Variants in SLC1A2 observed in about 807,000 individuals in gnomAD.
SLC1A2 encodes the protein solute carrier family 1 member 2, also known as excitatory amino acid transporter 2.
A neutral mutation model predicts 48.8 loss-of-function variants in SLC1A2; 15 were observed. The ratio of observed to expected loss-of-function variants is 0.31; its 90% CI spans 0.21 to 0.47. The LOEUF (loss-of-function observed/expected upper bound fraction) is 0.47, where lower values mean the gene tolerates loss of function less well. Among genes scored for constraint, SLC1A2 ranks in the 20% least tolerant of loss-of-function variants. SLC1A2 has a pLI of 0.99. For missense variants in SLC1A2, 502 were observed against 730.5 expected, an observed-to-expected ratio of 0.69 and a Z score of 3.61; for synonymous variants, 279 against 272.6, an observed-to-expected ratio of 1.02 and a Z score of -0.23.
chr11:35,348,238 A>G (rs1050959911), intron 1 of SLC1A2, among the ~76,000 whole-genome samples: 1 of 152,174 alleles, frequency 6.6e-6, no homozygotes, highest in East Asian at 1.9e-4. Flanking sequence ...TGTTTTTAAT[A>G]AGAGACATGT....
intron 1 of SLC1A2, among the ~76,000 whole-genome samples, chr11:35,352,870 A>G (rs1214324568): frequency 6.6e-6 from 1 of 152,148 alleles, no homozygotes; most frequent in African/African-American, 2.4e-5. Context: ...GAAGCAAGAG[A>G]TCCTATCAAT....
chr11:35,304,458 G>T (rs1851445015), intron 5 of SLC1A2, among the ~76,000 whole-genome samples: 1 of 152,184 alleles, frequency 6.6e-6, no homozygotes, highest in African/African-American at 2.4e-5. Context: ...GAGCTGCTCG[G>T]TGGTGGGTGC....
upstream of SLC1A2, among the ~76,000 whole-genome samples, chr11:35,420,376 T>C (rs932189812): frequency 6.6e-6 from 1 of 151,952 alleles, no homozygotes; most frequent in Admixed American, 6.6e-5. Flanking sequence ...GCTTTGATTA[T>C]CTCTGGAATA....
chr11:35,375,123 C>T (rs1186035621), intron 1 of SLC1A2, among the ~76,000 whole-genome samples: 4 of 152,074 alleles, frequency 2.6e-5, no homozygotes, highest in African/African-American at 7.2e-5. Flanking sequence ...ATTTGTGTAA[C>T]ATGGATTTTT....
At chr11:35,378,774 T>C (rs1284393919) in intron 1 of SLC1A2, among the ~76,000 whole-genome samples, 1 of 152,220 alleles carries the variant, frequency 6.6e-6, no homozygotes, top group Non-Finnish European at 1.5e-5. Context: ...AGTTAAGCTC[T>C]ATGAATAGTT....
rs1388034620 is a variant in SLC1A2, at chr11:35,286,748, C to G, written c.1286+9G>C. The G allele has an allele frequency of 1.2e-6, 2 of 1,603,528 alleles. No homozygotes were observed. Among genetic ancestry groups the G allele is most frequent in the East Asian group, 2.2e-5 (1 of 44,494 alleles). On this transcript the variant is annotated intron_variant, in intron 8 of 10. Transcript: ENST00000278379. ...GAGGTTGTTTTGTGTTTTACCCCAC[C>G]CTTCTCACCTTACAGTCACAATCTG...
At chr11:35,354,876 T>C (rs1370798073) in intron 1 of SLC1A2, among the ~76,000 whole-genome samples, 4 of 152,216 alleles carry the variant, frequency 2.6e-5, no homozygotes, top group Non-Finnish European at 5.9e-5. Context: ...AACAGAAACA[T>C]GACACATCTT....
At chr11:35,263,532 G>A (rs1287597993) in intron 10 of SLC1A2, among the ~76,000 whole-genome samples, 1 of 152,048 alleles carries the variant, frequency 6.6e-6, no homozygotes, top group Non-Finnish European at 1.5e-5. Context: ...ACAAATCCAG[G>A]AAGTCTGAAA....
At chr11:35,368,575 C>T (rs973864969) in intron 1 of SLC1A2, among the ~76,000 whole-genome samples, 7 of 152,194 alleles carry the variant, frequency 4.6e-5, no homozygotes, top group Non-Finnish European at 8.8e-5. Context: ...ATCAAGCTCA[C>T]GTAGCCTTGC....
intron 1 of SLC1A2, among the ~76,000 whole-genome samples, chr11:35,362,157 A>G (rs533130581): frequency 6.6e-6 from 1 of 152,306 alleles, no homozygotes; most frequent in East Asian, 1.9e-4. Context: ...TACCCCAGAC[A>G]GCAGATGCCC....
chr11:35,305,817 T>A (rs1322142918), intron 5 of SLC1A2, among the ~76,000 whole-genome samples: 1 of 152,188 alleles, frequency 6.6e-6, no homozygotes, highest in African/African-American at 2.4e-5. Flanking sequence ...TCAGGGAATG[T>A]GCCCAATGAC....
chr11:35,369,066 A>G (rs570111371), intron 1 of SLC1A2, among the ~76,000 whole-genome samples: 114 of 152,276 alleles, frequency 7.5e-4, no homozygotes, highest in Non-Finnish European at 1.2e-3. Flanking sequence ...TTATAGAAAA[A>G]CACAAGTCTG....
At chr11:35,336,257 C>A (rs1199968978) in intron 1 of SLC1A2, among the ~76,000 whole-genome samples, 1 of 152,136 alleles carries the variant, frequency 6.6e-6, no homozygotes, top group Non-Finnish European at 1.5e-5. Context: ...GTGCAACAAA[C>A]CGCTATGGCA....
At chr11:35,359,215 C>A (rs1454411258) in intron 1 of SLC1A2, among the ~76,000 whole-genome samples, 1 of 152,190 alleles carries the variant, frequency 6.6e-6, no homozygotes, top group Non-Finnish European at 1.5e-5. Context: ...GTGTCAATTT[C>A]TTCACAGTGA....
intron 10 of SLC1A2, among the ~76,000 whole-genome samples, chr11:35,262,993 G>A (rs1166863661): frequency 2.0e-5 from 3 of 152,152 alleles, no homozygotes; most frequent in South Asian, 2.1e-4. Context: ...GACTAAAGAT[G>A]CTAAAAGGAT....
chr11:35,411,834 C>T (rs552077432), intron 1 of SLC1A2, among the ~76,000 whole-genome samples: 4 of 152,172 alleles, frequency 2.6e-5, no homozygotes, highest in African/African-American at 7.2e-5. Context: ...CTTATTCTCA[C>T]TTTTTTATGG....
intron 1 of SLC1A2, among the ~76,000 whole-genome samples, chr11:35,325,905 A>C (rs1388473440): frequency 6.8e-6 from 1 of 147,152 alleles, no homozygotes; most frequent in Non-Finnish European, 1.5e-5. Context: ...TGGAGGTTGC[A>C]GTGAGCCGGG....
At position 35,265,552 on chromosome 11, in the gene SLC1A2, T is replaced by A; in HGVS notation, c.1628A>T (p.Asn543Ile). ...NSNQCVYAAH[N>I]SVIVDECKVT... ...CTTGCATTCATCTACTATGACAGAG[T>A]TGTGTGCAGCATAGACACATTGATT... Residue 543 changes from asparagine (N) to isoleucine (I), a missense_variant, in exon 10 of 11, where the codon AAC (asparagine) becomes ATC (isoleucine). Asn to Ile is a moderately radical substitution (Grantham distance 149). Transcript: ENST00000278379. 6.3e-7 allele frequency: 1 copy of A among 1,595,334 alleles called. No individual in the cohort carries two copies. Among genetic ancestry groups the A allele is most frequent in the Non-Finnish European group, 8.6e-7 (1 of 1,163,116 alleles).
chr11:35,383,891 T>C (rs1448086096), intron 1 of SLC1A2, among the ~76,000 whole-genome samples: 1 of 152,202 alleles, frequency 6.6e-6, no homozygotes, highest in Non-Finnish European at 1.5e-5. Flanking sequence ...AGTACATCTA[T>C]GGTGTGACAT....
Sources: gnomAD v4.1 joint callset for allele counts (sites outside exome capture counted in the v4.1 genomes callset) on GRCh38, gnomAD v4.1.1 for gene constraint, MANE v1.5 for transcripts, NCBI Gene and HGNC (gene_info 2026-07-23, HGNC 2026-07-21) for gene names.